Variants in VAV3 observed in about 807,000 individuals in gnomAD.
VAV3 encodes the protein vav guanine nucleotide exchange factor 3.
Under a neutral mutation model 131.2 loss-of-function variants are expected in VAV3, and 94 were observed. The observed-to-expected ratio is 0.72, with a 90% CI of 0.61 to 0.85. The LOEUF (loss-of-function observed/expected upper bound fraction) is 0.85, where lower values mean the gene tolerates loss of function less well. VAV3 is among the 40% of genes least tolerant of loss of function. VAV3 has a pLI of 0.00. For synonymous variants in VAV3, 349 were observed against 342.0 expected, an observed-to-expected ratio of 1.02 and a Z score of -0.22; for missense variants, 939 against 1,002.7, an observed-to-expected ratio of 0.94 and a Z score of 0.86.
chr1:107,951,876 T>C (rs575648441), intron 1 of VAV3, among the ~76,000 whole-genome samples: 1 of 150,166 alleles, frequency 6.7e-6, no homozygotes, highest in South Asian at 2.1e-4. Context: ...TTGGTGGGAG[T>C]GTAAATTAGT....
intron 1 of VAV3, among the ~76,000 whole-genome samples, chr1:107,886,404 C>T (rs571284745): frequency 2.0e-5 from 3 of 152,304 alleles, no homozygotes; most frequent in South Asian, 2.1e-4. Flanking sequence ...CGCAGCCTCT[C>T]GGGGAGGGGT....
At chr1:107,784,402 T>C (rs1665872821) in intron 2 of VAV3, among the ~76,000 whole-genome samples, 1 of 152,206 alleles carries the variant, frequency 6.6e-6, no homozygotes. Context: ...GTCAATGAGC[T>C]TTTTCAACAT....
At chr1:107,863,000 T>A (rs1334239122) in intron 2 of VAV3, among the ~76,000 whole-genome samples, 3 of 151,902 alleles carry the variant, frequency 2.0e-5, no homozygotes, top group East Asian at 3.9e-4. Flanking sequence ...AAGGGAAAAT[T>A]TAGGATGGCA....
chr1:107,802,886 T>TC lies in VAV3; in HGVS notation c.322-23395_322-23394insG, dbSNP rs113615854. Among the ~76,000 whole-genome samples the TC allele has an allele frequency of 1.2e-4, 18 of 151,884 alleles. 1 individual carries two copies. Among genetic ancestry groups the TC allele is most frequent in the African/African-American group, 3.9e-4 (16 of 41,468 alleles). Reference sequence around the variant, plus strand: ...TGAAAGTATTTCTTCCTCTTCAGTTTTTTTTTTTTTTGAAGAGTTAGAGTT... The same window carrying TC: ...TGAAAGTATTTCTTCCTCTTCAGTTTCTTTTTTTTTTTGAAGAGTTAGAGTT... On this transcript the variant is annotated intron_variant, in intron 2 of 26. Coordinates refer to ENST00000370056, the MANE Select transcript of VAV3 (RefSeq NM_006113.5).
At chr1:107,950,974 C>T (rs1023455538) in intron 1 of VAV3, among the ~76,000 whole-genome samples, 4 of 152,148 alleles carry the variant, frequency 2.6e-5, no homozygotes, top group Non-Finnish European at 4.4e-5. Flanking sequence ...CCTGAACTTT[C>T]AAGATATTCA....
chr1:107,906,682 A>G (rs1428450397), intron 1 of VAV3, among the ~76,000 whole-genome samples: 1 of 151,908 alleles, frequency 6.6e-6, no homozygotes. Context: ...ATTAAAATAC[A>G]ATACAATACA....
At chr1:107,864,056 TTATA>T (rs2100991312) in intron 2 of VAV3, among the ~76,000 whole-genome samples, 1 of 152,302 alleles carries the variant, frequency 6.6e-6, no homozygotes, top group Admixed American at 6.5e-5. Context: ...GCAGAAGAGC[TTATA>T]TATAAACAAA....
intron 19 of VAV3, among the ~76,000 whole-genome samples, chr1:107,664,975 A>G (rs181700861): frequency 6.6e-6 from 1 of 152,348 alleles, no homozygotes; most frequent in Admixed American, 6.5e-5. Flanking sequence ...CTGCTATTGC[A>G]GGAGTAGTAG....
intron 1 of VAV3, among the ~76,000 whole-genome samples, chr1:107,954,737 G>T (rs1235843091): frequency 6.7e-6 from 1 of 148,302 alleles, no homozygotes; most frequent in Non-Finnish European, 1.5e-5. Flanking sequence ...CTCCTCCAAG[G>T]GAGCCCCACA....
chr1:107,685,230 A>G (rs1448564108), intron 18 of VAV3, among the ~76,000 whole-genome samples: 1 of 152,228 alleles, frequency 6.6e-6, no homozygotes, highest in Non-Finnish European at 1.5e-5. Context: ...CATTGCAAGT[A>G]TTAAGAGAAT....
At chr1:107,845,710 A>T (rs975369302) in intron 2 of VAV3, among the ~76,000 whole-genome samples, 1 of 152,164 alleles carries the variant, frequency 6.6e-6, no homozygotes, top group Non-Finnish European at 1.5e-5. Context: ...GAGATTGAAG[A>T]TCAACTTAAT....
At chr1:107,780,389 C>G (rs1340698088) in intron 2 of VAV3, among the ~76,000 whole-genome samples, 5 of 152,160 alleles carry the variant, frequency 3.3e-5, no homozygotes, top group African/African-American at 1.2e-4. Context: ...GTACTTAAAT[C>G]TAAATGTTAA....
chr1:107,714,634 T>C (rs1426113939), intron 15 of VAV3, among the ~76,000 whole-genome samples: 6 of 152,110 alleles, frequency 3.9e-5, no homozygotes, highest in Admixed American at 2.0e-4. Flanking sequence ...CATAATTTGT[T>C]CCCATAACAC....
intron 21 of VAV3, among the ~76,000 whole-genome samples, chr1:107,611,209 T>G (rs1652700683): frequency 6.6e-6 from 1 of 152,202 alleles, no homozygotes; most frequent in African/African-American, 2.4e-5. Flanking sequence ...AAGTTTGGAC[T>G]TTAGAGCATT....
chr1:107,753,091 A>T (rs2102076833), intron 12 of VAV3, among the ~76,000 whole-genome samples: 1 of 152,304 alleles, frequency 6.6e-6, no homozygotes, highest in East Asian at 1.9e-4. Context: ...GTATTTATAT[A>T]AAATGATGTA....
intron 17 of VAV3, among the ~76,000 whole-genome samples, chr1:107,700,936 A>C (rs1660082079): frequency 6.6e-6 from 1 of 152,110 alleles, no homozygotes; most frequent in Non-Finnish European, 1.5e-5. Context: ...AAGCATTCCT[A>C]TTTCTCCACT....
intron 2 of VAV3, among the ~76,000 whole-genome samples, chr1:107,783,089 G>A (rs536834019): frequency 6.6e-6 from 1 of 152,258 alleles, no homozygotes; most frequent in South Asian, 2.1e-4. Flanking sequence ...AGTGGCATCT[G>A]TAAAGAAATG....
chr1:107,916,801 T>G (rs1672642955), intron 1 of VAV3, among the ~76,000 whole-genome samples: 6 of 152,104 alleles, frequency 3.9e-5, no homozygotes, highest in Admixed American at 3.3e-4. Flanking sequence ...TTAATACGAT[T>G]CATGGATTAA....
intron 1 of VAV3, among the ~76,000 whole-genome samples, chr1:107,916,996 A>G (rs2101136702): frequency 6.6e-6 from 1 of 152,250 alleles, no homozygotes; most frequent in Middle Eastern, 3.4e-3. Context: ...GGCAGAGGAG[A>G]CCAAACTAAG....
Sources: allele counts gnomAD v4.1 joint callset (sites outside exome capture counted in the v4.1 genomes callset), GRCh38; gene constraint gnomAD v4.1.1; transcripts MANE v1.5; gene names NCBI Gene and HGNC (gene_info 2026-07-23, HGNC 2026-07-21).